Variants in PTPRD observed in about 807,000 individuals in gnomAD.
The protein encoded by PTPRD is protein tyrosine phosphatase receptor type D.
A neutral mutation model predicts 214.5 loss-of-function variants in PTPRD; 34 were observed. The observed-to-expected ratio is 0.16, with a 90% CI of 0.12 to 0.21. The LOEUF is 0.21. Ranked by LOEUF, PTPRD falls within the 10% of genes least tolerant of loss-of-function variation. PTPRD has a pLI of 1.00. For missense variants in PTPRD, 2,545 were observed against 2,398.7 expected (o/e 1.06, Z -1.27); for synonymous variants, 1,128 against 845.7 (o/e 1.33, Z -5.79).
chr9:9,864,422 G>A (rs1263332880), intron 5 of PTPRD, among the ~76,000 whole-genome samples: 1 of 152,150 alleles, frequency 6.6e-6, no homozygotes, highest in Non-Finnish European at 1.5e-5. Context: ...TACATGGGGT[G>A]TGTGACATAG....
At chr9:8,746,982 T>C (rs1361890122) in intron 11 of PTPRD, among the ~76,000 whole-genome samples, 2 of 152,114 alleles carry the variant, frequency 1.3e-5, no homozygotes, top group Non-Finnish European at 2.9e-5. Context: ...GGCAAAGATG[T>C]GCAAGGATGG....
Position 10,126,855 on chromosome 9 carries a change from T to C in PTPRD, c.-544-93065A>G, listed in dbSNP as rs115562931. On this transcript the variant is annotated intron_variant, in intron 3 of 45. Coordinates refer to ENST00000381196, the MANE Select transcript of PTPRD (RefSeq NM_002839.4). ...ACAAACAATGTGATTCATAATGCTT[T>C]TCTCCTGGCAGTCTAGAATTTGGTA... is the stretch of plus-strand genomic sequence containing the variant. Among the ~76,000 whole-genome samples, 1,305 of 152,158 alleles carry C rather than the reference T, an allele frequency of 8.6e-3. 32 individuals are homozygous for C. The highest frequency in any genetic ancestry group is 0.03 in the African/African-American group (1,239 of 41,498).
chr9:9,244,388 G>C (rs199898644), intron 9 of PTPRD, among the ~76,000 whole-genome samples: 8 of 151,996 alleles, frequency 5.3e-5, no homozygotes, highest in Non-Finnish European at 1.2e-4. Context: ...TTCAAACTAT[G>C]CTACAAGTCT....
At chr9:8,847,212 G>C (rs1201965812) in intron 11 of PTPRD, among the ~76,000 whole-genome samples, 3 of 151,854 alleles carry the variant, frequency 2.0e-5, no homozygotes, top group Admixed American at 6.6e-5. Context: ...TTCAGGTCGA[G>C]TCTGTTAAAT....
chr9:8,579,047 G>C (rs1176660083), intron 14 of PTPRD, among the ~76,000 whole-genome samples: 3 of 152,228 alleles, frequency 2.0e-5, no homozygotes, highest in African/African-American at 7.2e-5. Context: ...ACACTTACAA[G>C]TCCAAATCTG....
intron 21 of PTPRD, among the ~76,000 whole-genome samples, chr9:8,516,932 C>T (rs758344401): frequency 6.6e-6 from 1 of 151,496 alleles, no homozygotes; most frequent in African/African-American, 2.4e-5. Flanking sequence ...CTGCCTCAGC[C>T]TCCTGAGTAG....
chr9:9,823,365 T>C (rs1329958535), intron 5 of PTPRD, among the ~76,000 whole-genome samples: 2 of 151,920 alleles, frequency 1.3e-5, no homozygotes, highest in African/African-American at 4.8e-5. Context: ...TACTTTTAAA[T>C]GACCAGATCT....
chr9:9,732,829 G>A (rs1338314387), intron 7 of PTPRD, among the ~76,000 whole-genome samples: 9 of 151,828 alleles, frequency 5.9e-5, no homozygotes, highest in African/African-American at 9.7e-5. Flanking sequence ...TGGCTCTGTC[G>A]TCTCAGCGAT....
At chr9:9,018,202 G>C (rs985090057) in intron 11 of PTPRD, among the ~76,000 whole-genome samples, 1 of 152,004 alleles carries the variant, frequency 6.6e-6, no homozygotes, top group African/African-American at 2.4e-5. Flanking sequence ...CTATTGGGTG[G>C]TTGTTGTATT....
chr9:10,549,104 T>A (rs1276947163), intron 2 of PTPRD, among the ~76,000 whole-genome samples: 1 of 152,200 alleles, frequency 6.6e-6, no homozygotes, highest in Non-Finnish European at 1.5e-5. Context: ...AGACACTTTG[T>A]CTTATCAATA....
chr9:10,428,069 A>T (rs2098640563), intron 2 of PTPRD, among the ~76,000 whole-genome samples: 1 of 152,138 alleles, frequency 6.6e-6, no homozygotes, highest in East Asian at 1.9e-4. Context: ...TAATCTCAGC[A>T]CTTTGGGAGG....
At chr9:9,318,338 A>C (rs962306678) in intron 9 of PTPRD, among the ~76,000 whole-genome samples, 2 of 152,106 alleles carry the variant, frequency 1.3e-5, no homozygotes, top group Non-Finnish European at 2.9e-5. Flanking sequence ...GTTAAGAGTC[A>C]GGAAAGTAGT....
chr9:9,826,599 A>G (rs1380261472), intron 5 of PTPRD, among the ~76,000 whole-genome samples: 1 of 152,034 alleles, frequency 6.6e-6, no homozygotes, highest in Non-Finnish European at 1.5e-5. Flanking sequence ...ATGTATACAT[A>G]TTCTGCTATT....
At chr9:9,429,296 T>C (rs2082162601) in intron 8 of PTPRD, among the ~76,000 whole-genome samples, 1 of 151,982 alleles carries the variant, frequency 6.6e-6, no homozygotes, top group African/African-American at 2.4e-5. Context: ...AACTACAAAA[T>C]CTAGAAGAAA....
chr9:9,615,281 A>C (rs929878006), intron 7 of PTPRD, among the ~76,000 whole-genome samples: 1 of 152,008 alleles, frequency 6.6e-6, no homozygotes, highest in Non-Finnish European at 1.5e-5. Flanking sequence ...TTCCACCTCC[A>C]CCAGCACCTG....
At chr9:10,436,372 C>G (rs538600000) in intron 2 of PTPRD, among the ~76,000 whole-genome samples, 7 of 151,658 alleles carry the variant, frequency 4.6e-5, no homozygotes, top group Non-Finnish European at 8.8e-5. Context: ...CCAACCCTCA[C>G]TATAAATGCC....
chr9:9,113,898 C>T (rs181643198), intron 10 of PTPRD, among the ~76,000 whole-genome samples: 8 of 152,244 alleles, frequency 5.3e-5, no homozygotes, highest in Admixed American at 5.2e-4. Flanking sequence ...TATCAACTGG[C>T]TTAGTATTCA....
intron 14 of PTPRD, among the ~76,000 whole-genome samples, chr9:8,580,896 C>T (rs2093006667): frequency 6.6e-6 from 1 of 152,188 alleles, no homozygotes. Context: ...CAGTAGATCA[C>T]ATATCACTGA....
intron 8 of PTPRD, among the ~76,000 whole-genome samples, chr9:9,551,286 C>A (rs2080166839): frequency 6.6e-6 from 1 of 151,766 alleles, no homozygotes; most frequent in Non-Finnish European, 1.5e-5. Flanking sequence ...AGCTGACAAA[C>A]GGAGGTCAAA....
Sources: allele counts gnomAD v4.1 joint callset (sites outside exome capture counted in the v4.1 genomes callset), GRCh38; gene constraint gnomAD v4.1.1; transcripts MANE v1.5; gene names NCBI Gene and HGNC (gene_info 2026-07-23, HGNC 2026-07-21).